Variants in VPS13B observed in about 807,000 individuals in gnomAD.
VPS13B encodes the protein vacuolar protein sorting 13 homolog B.
In VPS13B, 285 loss-of-function variants were observed where a neutral mutation model predicts 426.4. That is an observed-to-expected ratio of 0.67 (90% CI 0.61 to 0.74). The LOEUF is 0.74. Ranked by LOEUF, VPS13B falls within the 30% of genes least tolerant of loss-of-function variation. VPS13B has a pLI of 0.00. For synonymous variants in VPS13B, 1,676 were observed against 1,676.4 expected (o/e 1.00, Z 0.01); for missense variants, 4,537 against 4,782.6 (o/e 0.95, Z 1.51).
chr8:99,309,949 G>C (rs1253953065), intron 19 of VPS13B, among the ~76,000 whole-genome samples: 1 of 152,182 alleles, frequency 6.6e-6, no homozygotes, highest in Non-Finnish European at 1.5e-5. Context: ...AAGAAATTGT[G>C]AGTGGGAGTT....
chr8:99,335,758 C>T (rs1167875997), intron 19 of VPS13B, among the ~76,000 whole-genome samples: 5 of 151,792 alleles, frequency 3.3e-5, no homozygotes, highest in African/African-American at 1.2e-4. Context: ...TGAACTCCCA[C>T]TCACAATTGC....
rs1325699655 is a variant in VPS13B, at chr8:99,063,408, A to G, written c.291+24842A>G. On this transcript the variant is annotated intron_variant, in intron 3 of 61. Coordinates refer to ENST00000357162, the MANE Select transcript of VPS13B (RefSeq NM_152564.5). ...CAATAGTCTTAGCAAACGGCATACC[A>G]GGAGATTATATCCCATGCCTGGCTT... Among the ~76,000 whole-genome samples, 3 of 152,354 alleles carry G rather than the reference A, an allele frequency of 2.0e-5. No homozygotes were observed. The East Asian group carries it at 5.8e-4, about 29-fold the overall frequency.
chr8:99,161,767 C>T (rs1274326320), intron 15 of VPS13B, among the ~76,000 whole-genome samples: 4 of 134,976 alleles, frequency 3.0e-5, no homozygotes, highest in East Asian at 2.3e-4. Flanking sequence ...GAGTCTCATT[C>T]TGTCACCCAG....
At chr8:99,025,982 TG>T (rs1056522750) in intron 2 of VPS13B, among the ~76,000 whole-genome samples, 82 of 152,206 alleles carry the variant, frequency 5.4e-4, no homozygotes, top group Non-Finnish European at 1.6e-4. Flanking sequence ...TCCTTTGTAT[TG>T]TTTGGTCTCT....
intron 43 of VPS13B, among the ~76,000 whole-genome samples, chr8:99,798,897 G>A (rs753698390): frequency 1.3e-5 from 2 of 152,110 alleles, no homozygotes; most frequent in Non-Finnish European, 2.9e-5. Context: ...AATGCAGCTG[G>A]CCTATTAAAG....
intron 31 of VPS13B, among the ~76,000 whole-genome samples, chr8:99,559,330 C>A (rs1302139587): frequency 2.0e-5 from 3 of 152,116 alleles, no homozygotes; most frequent in Admixed American, 6.5e-5. Flanking sequence ...AGATAGATTG[C>A]AAAAATGTTC....
chr8:99,683,101 A>C (rs1402060104), intron 35 of VPS13B, among the ~76,000 whole-genome samples: 1 of 152,240 alleles, frequency 6.6e-6, no homozygotes, highest in Non-Finnish European at 1.5e-5. Flanking sequence ...GATATTCAAC[A>C]CCATCTGTAA....
chr8:99,241,789 T>C (rs1816944358), intron 17 of VPS13B, among the ~76,000 whole-genome samples: 1 of 152,174 alleles, frequency 6.6e-6, no homozygotes, highest in South Asian at 2.1e-4. Context: ...CAAACAAGAA[T>C]AATGATTTGA....
chr8:99,340,066 C>A (rs1351038662), intron 19 of VPS13B, among the ~76,000 whole-genome samples: 21 of 152,150 alleles, frequency 1.4e-4, no homozygotes. Context: ...TCACAGATAG[C>A]CTCCTTAGTA....
intron 19 of VPS13B, among the ~76,000 whole-genome samples, chr8:99,322,549 A>G (rs1810033578): frequency 6.6e-6 from 1 of 152,218 alleles, no homozygotes; most frequent in South Asian, 2.1e-4. Flanking sequence ...TGGTCATTAG[A>G]CTTATTTTGC....
chr8:99,594,179 T>C (rs566180911), intron 33 of VPS13B, among the ~76,000 whole-genome samples: 23 of 151,864 alleles, frequency 1.5e-4, no homozygotes, highest in Non-Finnish European at 3.2e-4. Flanking sequence ...TCTCAGGATA[T>C]GAGTCTCGGG....
chr8:99,691,127 G>A (rs1831636587), intron 35 of VPS13B, among the ~76,000 whole-genome samples: 1 of 152,086 alleles, frequency 6.6e-6, no homozygotes, highest in Non-Finnish European at 1.5e-5. Context: ...CATATTATAT[G>A]ATTCCATTTC....
At chr8:99,547,250 TG>T (rs1343748996) in intron 30 of VPS13B, among the ~76,000 whole-genome samples, 3 of 152,092 alleles carry the variant, frequency 2.0e-5, no homozygotes, top group African/African-American at 7.2e-5. Flanking sequence ...TTCTGCACTC[TG>T]AAGATTAGTA....
intron 54 of VPS13B, among the ~76,000 whole-genome samples, chr8:99,845,415 G>A (rs1815931429): frequency 6.6e-6 from 1 of 152,128 alleles, no homozygotes; most frequent in African/African-American, 2.4e-5. Context: ...TGAGGAAGTG[G>A]CCAAGTGACT....
intron 3 of VPS13B, among the ~76,000 whole-genome samples, chr8:99,080,957 G>A (rs1306526846): frequency 1.3e-5 from 2 of 152,156 alleles, no homozygotes; most frequent in African/African-American, 4.8e-5. Flanking sequence ...CTAGAATCCA[G>A]TTTTACCTTG....
chr8:99,583,233 G>A (rs765809733), intron 33 of VPS13B, among the ~76,000 whole-genome samples: 26 of 152,044 alleles, frequency 1.7e-4, no homozygotes, highest in Non-Finnish European at 3.1e-4. Context: ...TGTGATTTGA[G>A]GTTGGTGTAA....
intron 24 of VPS13B, 113 bp downstream of exon 24, chr8:99,467,747 C>A: frequency 1.7e-6 from 2 of 1,155,760 alleles, no homozygotes; most frequent in Non-Finnish European, 2.5e-6. Flanking sequence ...TTATTTTTAA[C>A]TTGGCCATCA....
chr8:99,863,396 C>T (rs952596269), intron 58 of VPS13B, among the ~76,000 whole-genome samples: 3 of 152,084 alleles, frequency 2.0e-5, no homozygotes, highest in Non-Finnish European at 4.4e-5. Flanking sequence ...CATTGTTTTG[C>T]AATTCGGGAC....
intron 29 of VPS13B, among the ~76,000 whole-genome samples, chr8:99,520,342 T>C (rs551307381): frequency 1.1e-4 from 17 of 152,148 alleles, no homozygotes; most frequent in African/African-American, 3.6e-4. Context: ...GCAGCCATCA[T>C]ATTTCTTTTG....
Sources: allele counts gnomAD v4.1 joint callset (sites outside exome capture counted in the v4.1 genomes callset), GRCh38; gene constraint gnomAD v4.1.1; transcripts MANE v1.5; gene names NCBI Gene and HGNC (gene_info 2026-07-23, HGNC 2026-07-21).